Variants in KMT2A observed in about 807,000 individuals in gnomAD.
KMT2A encodes the protein histone-lysine N-methyltransferase 2A.
Under a neutral mutation model 345.3 loss-of-function variants are expected in KMT2A, and 16 were observed. The ratio of observed to expected loss-of-function variants is 0.05; its 90% CI spans 0.03 to 0.07. The LOEUF (loss-of-function observed/expected upper bound fraction) is 0.07, where lower values mean the gene tolerates loss of function less well. Ranked by LOEUF, KMT2A falls within the 10% of genes least tolerant of loss-of-function variation. KMT2A has a pLI of 1.00. For synonymous variants in KMT2A, 1,599 were observed against 1,778.6 expected (o/e 0.90, Z 2.54); for missense variants, 3,272 against 4,841.6 (o/e 0.68, Z 9.62).
In KMT2A at chr11:118,497,886, T is replaced by C. The variant is rs112915987; in HGVS notation, c.5665-50T>C. ...GGAAAAGCTAATGCCGAGGAAAACC[T>C]CCTTTGGCATTATATTCTTTAGGAA... On this transcript the variant is annotated intron_variant, in intron 20 of 35. Coordinates refer to ENST00000534358, the MANE Select transcript of KMT2A (RefSeq NM_001197104.2). The surrounding 1 kb of genome is among the most constrained non-coding windows in gnomAD (Gnocchi z 4.8). 28 of 1,482,878 alleles carry C rather than the reference T, an allele frequency of 1.9e-5. No homozygotes were observed. The highest frequency in any genetic ancestry group is 1.4e-4 in the African/African-American group (10 of 71,782). 91.9% of individuals were successfully genotyped at this position (1,482,878 alleles called of 1,614,324 possible). A position where few individuals can be genotyped will look rare whatever the true frequency, so the allele number is the denominator to read the frequency against.
rs559663507 is a variant in KMT2A at position 118,506,366 on chromosome 11, G to C, written c.10474G>C (p.Ala3492Pro). 6.2e-7 allele frequency: 1 copy of C among 1,614,134 alleles called. No individual in the cohort carries two copies. The highest frequency in any genetic ancestry group is 8.5e-7 in the Non-Finnish European group (1 of 1,180,014). Residue 3492 changes from alanine (A) to proline (P), a missense_variant, in exon 27 of 36, where the codon GCT becomes CCT. Physicochemically the swap from Ala to Pro is conservative, Grantham distance 27 (BLOSUM62 -1). Coordinates refer to ENST00000534358, the MANE Select transcript of KMT2A (RefSeq NM_001197104.2). Reference sequence around the variant, plus strand: ...ATCCAACTTTACCCAGACGGTAGACGCTCCTAATAGCATGGGACTGGAGCA... The same window carrying C: ...ATCCAACTTTACCCAGACGGTAGACCCTCCTAATAGCATGGGACTGGAGCA... ...QVSNFTQTVD[A>P]PNSMGLEQNK...
intron 10 of KMT2A, among the ~76,000 whole-genome samples, chr11:118,487,669 T>C (rs1555041245): frequency 6.6e-6 from 1 of 152,218 alleles, no homozygotes; most frequent in Non-Finnish European, 1.5e-5. Context: ...TTTTAGTGTA[T>C]ATTTTTAAAA....
At chr11:118,474,466 C>A in intron 3 of KMT2A, 151 bp downstream of exon 3, 2 of 963,274 alleles carry the variant, frequency 2.1e-6, no homozygotes, top group Non-Finnish European at 3.0e-6. Flanking sequence ...CCTTCAAGGA[C>A]CAGTAGGATT....
At chr11:118,509,799 G>A in intron 29 of KMT2A, 149 bp from the exon 30 acceptor site, 1 of 573,620 alleles carries the variant, frequency 1.7e-6, no homozygotes, top group East Asian at 3.3e-5. Flanking sequence ...AGCTCTTTGA[G>A]TCTTGGGTTT....
Position 118,468,758 on chromosome 11 carries a change from A to G in KMT2A, c.433-17A>G. On this transcript the variant is annotated splice_polypyrimidine_tract_variant and intron_variant, in intron 1 of 35. Coordinates refer to ENST00000534358, the MANE Select transcript of KMT2A (RefSeq NM_001197104.2). Reference sequence around the variant, plus strand: ...CGTTTTTGCTTCTGATTTTAAAATAATTTTCCTTTGTTGTAGGATGAGCAA... The same window carrying G: ...CGTTTTTGCTTCTGATTTTAAAATAGTTTTCCTTTGTTGTAGGATGAGCAA... 6.2e-7 allele frequency: 1 copy of G among 1,606,190 alleles called. No individual in the cohort carries two copies. Among genetic ancestry groups the G allele is most frequent in the South Asian group, 1.1e-5 (1 of 90,890 alleles).
chr11:118,472,815 C>A lies in KMT2A; in HGVS notation c.1656C>A (p.Ala552=), dbSNP rs782289098. 28 of 1,613,674 alleles carry A rather than the reference C, an allele frequency of 1.7e-5. No homozygotes were observed. The highest frequency in any genetic ancestry group is 2.4e-5 in the Non-Finnish European group (28 of 1,179,954). ...TTKKLSTLQS[A]PQQQTSSSPP... The stretch of plus-strand genomic sequence containing the variant: ...AAAAATTATCAACTCTACAAAGTGC[C>A]CCCCAGCAGCAGACCTCCTCGTCTC... The change falls in exon 3 of 36, where the codon GCC becomes GCA. Residue 552 remains alanine, a synonymous_variant. Coordinates refer to ENST00000534358, the MANE Select transcript of KMT2A (RefSeq NM_001197104.2).
At chr11:118,509,853 T>C (rs2134430382) in intron 29 of KMT2A, 95 bp from the exon 30 acceptor site, 2 of 873,968 alleles carry the variant, frequency 2.3e-6, no homozygotes, top group Non-Finnish European at 3.4e-6. Context: ...GGAATGTTGT[T>C]AGGCTTAGAG....
In KMT2A at chr11:118,506,607, T is replaced by G. The variant is rs147014136; in HGVS notation, c.10715T>G (p.Ile3572Ser). 1,475 of 1,611,540 alleles carry G rather than the reference T, an allele frequency of 9.2e-4. 1 individual carries two copies. Among genetic ancestry groups the G allele is most frequent in the Non-Finnish European group, 1.1e-3 (1,335 of 1,178,330 alleles). The change falls in exon 27 of 36, where the codon ATT (isoleucine) becomes AGT (serine). Residue 3572 changes from isoleucine to serine, a missense_variant. Ile to Ser is a moderately radical substitution (Grantham distance 142, BLOSUM62 -2). Coordinates refer to ENST00000534358, the MANE Select transcript of KMT2A (RefSeq NM_001197104.2). ...HLRTSSSEAH[I>S]PDQETTSLTS... is the part of the protein sequence containing the mutation. ...CGGACCAGTTCTTCTGAAGCACACA[T>G]TCCAGACCAAGAAACGACATCCCTG...
chr11:118,439,206 C>T (rs1333794031), intron 1 of KMT2A: 3 of 392,616 alleles, frequency 7.6e-6, no homozygotes, highest in Non-Finnish European at 1.5e-5. Context: ...TTTCATTTAC[C>T]TGCTTATTTT....
Position 118,489,852 on chromosome 11 carries a change from T to C in KMT2A, c.4540T>C (p.Tyr1514His), listed in dbSNP as rs1950296649. 6.2e-7 allele frequency: 1 copy of C among 1,614,182 alleles called. No individual in the cohort carries two copies. Among genetic ancestry groups the C allele is most frequent in the Non-Finnish European group, 8.5e-7 (1 of 1,180,012 alleles). Reference sequence around the variant, plus strand: ...TCACCCTGAGTGCCTGGGACCAAACTACCCCACCAAACCCACAAAGAAGAA... The same window carrying C: ...TCACCCTGAGTGCCTGGGACCAAACCACCCCACCAAACCCACAAAGAAGAA... ...SYHPECLGPN[Y>H]PTKPTKKKKV... Residue 1514 changes from tyrosine to histidine, a missense_variant, in exon 12 of 36, where the codon TAC becomes CAC. This residue lies in a region of KMT2A where 120 missense variants were observed against 280.4 expected (regional missense o/e 0.43). Transcript: ENST00000534358.
chr11:118,469,208 C>T (rs1305165982), intron 2 of KMT2A, among the ~76,000 whole-genome samples: 1 of 144,612 alleles, frequency 6.9e-6, no homozygotes, highest in African/African-American at 2.5e-5. Flanking sequence ...TTCTTTCTCT[C>T]TGGGAACTAC....
In KMT2A at chr11:118,526,233, G is replaced by A. The variant is rs1281612288; in HGVS notation, c.*4061G>A. 4.6e-6 allele frequency: 1 copy of A among 218,420 alleles called. No homozygotes were observed. Among genetic ancestry groups the A allele is most frequent in the Non-Finnish European group, 9.2e-6 (1 of 108,862 alleles). 13.5% of individuals were successfully genotyped at this position (218,420 alleles called of 1,614,324 possible). A position where few individuals can be genotyped will look rare whatever the true frequency, so the allele number is the denominator to read the frequency against. On this transcript the variant is annotated 3_prime_UTR_variant, in exon 36 of 36. Coordinates refer to ENST00000534358, the MANE Select transcript of KMT2A (RefSeq NM_001197104.2). Reference sequence around the variant, plus strand: ...CATGGTGTCACCTGGATTTTTTTCTGCCCATGAATGTTGCCAGTCAGTACC... The same window carrying A: ...CATGGTGTCACCTGGATTTTTTTCTACCCATGAATGTTGCCAGTCAGTACC...
chr11:118,490,030 GAAATT>G lies in KMT2A; in HGVS notation c.4576-94_4576-90del. 6.9e-7 allele frequency: 1 copy of G among 1,445,032 alleles called. No individual in the cohort carries two copies. The highest frequency in any genetic ancestry group is 2.4e-5 in the East Asian group (1 of 41,718). 89.5% of individuals were successfully genotyped at this position (1,445,032 alleles called of 1,614,324 possible). On this transcript the variant is annotated intron_variant, in intron 12 of 35. Coordinates refer to ENST00000534358, the MANE Select transcript of KMT2A (RefSeq NM_001197104.2). The surrounding 1 kb of genome is among the most constrained non-coding windows in gnomAD (Gnocchi z 4.2). Reference sequence around the variant, plus strand: ...ATTACTAGGAAATCATCTCAGCAGAGAAATTAAATCTATAAATGGATGCATTTAAG... The same window carrying G: ...ATTACTAGGAAATCATCTCAGCAGAGAAATCTATAAATGGATGCATTTAAG...
rs191613432 is a variant in KMT2A at position 118,509,090 on chromosome 11, T to C, written c.10836-46T>C. 1.3e-4 allele frequency: 205 copies of C among 1,554,256 alleles called. 1 individual carries two copies. In the East Asian group the frequency reaches 3.6e-3, roughly 28 times the overall value. ...GAAAATTCTGGGTTTTTTCTTTGAA[T>C]TGAAGAACTAGCTGATATTATATCT... On this transcript the variant is annotated intron_variant, in intron 28 of 35. Transcript: ENST00000534358.
chr11:118,452,007 G>T (rs182751765), intron 1 of KMT2A, among the ~76,000 whole-genome samples: 172 of 152,214 alleles, frequency 1.1e-3, no homozygotes, highest in African/African-American at 3.8e-3. Context: ...TGTAATACAT[G>T]AATCAGGAGG....
In KMT2A at chr11:118,504,919, C is replaced by A; in HGVS notation, c.9027C>A (p.Ser3009Arg). 6.2e-7 allele frequency: 1 copy of A among 1,614,170 alleles called. No individual in the cohort carries two copies. The highest frequency in any genetic ancestry group is 8.5e-7 in the Non-Finnish European group (1 of 1,180,024). ...ACATGGATGCAGACCACATCTCTAG[C>A]CCTCCTTGTGGTTCAGTAGAGCAAG... is the stretch of plus-strand genomic sequence containing the variant. ...QGHMDADHIS[S>R]PPCGSVEQGH... is the part of the protein sequence containing the mutation. The change falls in exon 27 of 36, where the codon AGC (serine) becomes AGA (arginine). Residue 3009 changes from serine (S) to arginine (R), a missense_variant. This residue lies in a region of KMT2A where 748 missense variants were observed against 922.2 expected (regional missense o/e 0.81). Transcript: ENST00000534358. The surrounding 1 kb of genome is among the most constrained non-coding windows in gnomAD (Gnocchi z 6.4).
intron 1 of KMT2A, chr11:118,450,214 G>C (rs1322120067): frequency 6.8e-6 from 1 of 147,240 alleles, no homozygotes; most frequent in Non-Finnish European, 1.5e-5. Context: ...TGAGTTTTTG[G>C]TTTTTTTTTT....
At chr11:118,474,437 C>A in intron 3 of KMT2A, 122 bp downstream of exon 3, 1 of 1,263,558 alleles carries the variant, frequency 7.9e-7, no homozygotes, top group Non-Finnish European at 1.1e-6. Context: ...ATGGTGGAGG[C>A]AGTGGTATTT....
At chr11:118,509,681 A>G (rs1282167180) in intron 29 of KMT2A, among the ~76,000 whole-genome samples, 1 of 152,196 alleles carries the variant, frequency 6.6e-6, no homozygotes, top group Non-Finnish European at 1.5e-5. Flanking sequence ...ACAGTTGCTT[A>G]TTGAAAAACT....
Sources: gnomAD v4.1 joint callset for allele counts (sites outside exome capture counted in the v4.1 genomes callset) on GRCh38, gnomAD v4.1.1 for gene constraint, gnomAD v4.1.1 regional missense constraint, Gnocchi (gnomAD v3.1) non-coding constraint, MANE v1.5 for transcripts, NCBI Gene and HGNC (gene_info 2026-07-23, HGNC 2026-07-21) for gene names.